REDIC1: variants seen among roughly 807,000 people sequenced by gnomAD.
The protein encoded by REDIC1 is HEI10 Interacting Protein 1.
At chr12:39,813,163 C>T in the REDIC1 span, among the ~76,000 whole-genome samples, 1 of 151,474 alleles carries the variant, frequency 6.6e-6, no homozygotes, top group African/African-American at 2.4e-5. Context: ...TACTTTTGCC[C>T]TCCCTTTAAA....
the REDIC1 span, among the ~76,000 whole-genome samples, chr12:39,747,998 G>A: frequency 1.3e-4 from 20 of 152,300 alleles, no homozygotes; most frequent in Middle Eastern, 3.4e-3. Flanking sequence ...GACCATTGAG[G>A]CTAGGAAGAA....
chr12:39,784,710 C>G, the REDIC1 span, among the ~76,000 whole-genome samples: 1 of 152,124 alleles, frequency 6.6e-6, no homozygotes, highest in African/African-American at 2.4e-5. Context: ...GCAACAAAAG[C>G]CAAAACTGAC....
At chr12:39,849,105 G>GT in the REDIC1 span, among the ~76,000 whole-genome samples, 1 of 152,006 alleles carries the variant, frequency 6.6e-6, no homozygotes, top group Non-Finnish European at 1.5e-5. Flanking sequence ...GTAATAATAT[G>GT]TACAACAAGC....
the REDIC1 span, among the ~76,000 whole-genome samples, chr12:39,839,997 G>C: frequency 6.6e-6 from 1 of 151,966 alleles, no homozygotes; most frequent in Non-Finnish European, 1.5e-5. Flanking sequence ...TATGTCTCAA[G>C]CATGTATAGT....
At chr12:39,665,190 G>A in the REDIC1 span, among the ~76,000 whole-genome samples, 13 of 152,084 alleles carry the variant, frequency 8.5e-5, no homozygotes, top group African/African-American at 3.1e-4. Context: ...TTCTTCTAGG[G>A]TTTTTATGGT....
chr12:39,821,784 A>T, the REDIC1 span, among the ~76,000 whole-genome samples: 8 of 152,306 alleles, frequency 5.3e-5, no homozygotes, highest in South Asian at 1.2e-3. Context: ...GCTCATGTGG[A>T]TAAGACTGAA....
the REDIC1 span, among the ~76,000 whole-genome samples, chr12:39,719,841 GAAT>G: frequency 2.0e-5 from 3 of 152,068 alleles, no homozygotes; most frequent in Admixed American, 6.6e-5. Flanking sequence ...GATCAAGCCA[GAAT>G]ATTTAGGATA....
the REDIC1 span, chr12:39,764,774 A>G: frequency 6.2e-7 from 1 of 1,612,912 alleles, no homozygotes; most frequent in Non-Finnish European, 8.5e-7. Flanking sequence ...TAAGGCCCAG[A>G]AGTGCAGTCC....
the REDIC1 span, among the ~76,000 whole-genome samples, chr12:39,698,854 A>G: frequency 6.6e-6 from 1 of 152,210 alleles, no homozygotes; most frequent in Non-Finnish European, 1.5e-5. Flanking sequence ...CTAAGAGGGA[A>G]GTTCGTAGCT....
At chr12:39,626,276 C>T in the REDIC1 span, 21 of 1,594,098 alleles carry the variant, frequency 1.3e-5, no homozygotes, top group Non-Finnish European at 1.7e-5. Flanking sequence ...TGCGATTTGG[C>T]GCAGAGCTGA....
chr12:39,678,003 A>G, the REDIC1 span, among the ~76,000 whole-genome samples: 3 of 152,186 alleles, frequency 2.0e-5, no homozygotes, highest in Admixed American at 6.5e-5. Flanking sequence ...AAGTGCACAA[A>G]TAGACAATCT....
At chr12:39,749,555 C>A in the REDIC1 span, among the ~76,000 whole-genome samples, 20 of 152,196 alleles carry the variant, frequency 1.3e-4, no homozygotes, top group Non-Finnish European at 2.1e-4. Flanking sequence ...AGGGAATCCT[C>A]CCTAACTCAT....
the REDIC1 span, among the ~76,000 whole-genome samples, chr12:39,793,234 T>C: frequency 1.3e-5 from 2 of 152,154 alleles, no homozygotes; most frequent in Non-Finnish European, 2.9e-5. Context: ...AAATTCTATT[T>C]ATAATAGCAC....
the REDIC1 span, among the ~76,000 whole-genome samples, chr12:39,843,151 G>A: frequency 6.6e-6 from 1 of 151,926 alleles, no homozygotes; most frequent in South Asian, 2.1e-4. Context: ...TGGAATTGCT[G>A]GGTCATATAA....
the REDIC1 span, among the ~76,000 whole-genome samples, chr12:39,699,153 G>T: frequency 4.7e-3 from 710 of 152,322 alleles, 3 homozygotes; most frequent in African/African-American, 0.016. Flanking sequence ...GAGCGACACA[G>T]AAGACGGGTG....
the REDIC1 span, among the ~76,000 whole-genome samples, chr12:39,850,557 A>G: frequency 1.4e-3 from 215 of 152,344 alleles, no homozygotes; most frequent in African/African-American, 5.1e-3. Flanking sequence ...TTATATGAAC[A>G]TGAAAATAAA....
the REDIC1 span, among the ~76,000 whole-genome samples, chr12:39,817,511 T>C: frequency 3.9e-5 from 6 of 152,150 alleles, no homozygotes; most frequent in African/African-American, 1.2e-4. Context: ...AATGAAACTT[T>C]TGCATCATAA....
At chr12:39,900,776 T>C in the REDIC1 span, among the ~76,000 whole-genome samples, 3 of 152,172 alleles carry the variant, frequency 2.0e-5, no homozygotes, top group Non-Finnish European at 4.4e-5. Flanking sequence ...AGGTAATTTA[T>C]AGATTCAATG....
the REDIC1 span, among the ~76,000 whole-genome samples, chr12:39,896,381 T>C: frequency 1.5e-5 from 2 of 137,798 alleles, no homozygotes; most frequent in South Asian, 2.2e-4. Flanking sequence ...TACATATATG[T>C]ATGTATATGT....
Sources: allele counts gnomAD v4.1 joint callset (sites outside exome capture counted in the v4.1 genomes callset), GRCh38; gene constraint gnomAD v4.1.1; transcripts MANE v1.5; gene names NCBI Gene and HGNC (gene_info 2026-07-23, HGNC 2026-07-21).